Variants in PPP1R12C observed in about 807,000 individuals in gnomAD.
PPP1R12C encodes leukocyte receptor cluster (LRC) encoded novel gene 3.
Under a neutral mutation model 95.6 loss-of-function variants are expected in PPP1R12C, and 48 were observed. The ratio of observed to expected loss-of-function variants is 0.50; its 90% CI spans 0.40 to 0.64. PPP1R12C has a LOEUF of 0.64. Among genes scored for constraint, PPP1R12C ranks in the 30% least tolerant of loss-of-function variants. The pLI is 0.00. For synonymous variants in PPP1R12C, 480 were observed against 460.8 expected (o/e 1.04, Z -0.53); for missense variants, 1,057 against 1,083.3 (o/e 0.98, Z 0.34).
At chr19:55,112,436 C>G in intron 3 of PPP1R12C, 31 bp downstream of exon 3, 1 of 1,582,658 alleles carries the variant, frequency 6.3e-7, no homozygotes, top group Non-Finnish European at 8.6e-7. Context: ...GGAGGTGTCC[C>G]CCACCCCACA....
intron 4 of PPP1R12C, among the ~76,000 whole-genome samples, chr19:55,102,736 C>A (rs1181714973): frequency 6.6e-6 from 1 of 152,138 alleles, no homozygotes; most frequent in Non-Finnish European, 1.5e-5. Flanking sequence ...ACCTAATAAC[C>A]TACAGAGAAC....
In PPP1R12C at chr19:55,103,314, A is replaced by G. The variant is rs920950065; in HGVS notation, c.731+95T>C. The G allele has an allele frequency of 3.0e-5, 38 of 1,247,184 alleles. No individual in the cohort carries two copies. In the Admixed American group the frequency reaches 4.3e-4, roughly 14 times the overall value. The allele number at this position is 1,247,184 out of a possible 1,614,324, so 77.3% of individuals were successfully genotyped here. On this transcript the variant is annotated intron_variant, in intron 4 of 21. Coordinates refer to ENST00000263433, the MANE Select transcript of PPP1R12C (RefSeq NM_017607.4). ...TAAGGCTGTATTTAGAGGGAAATAC[A>G]TAGCCTTCGGTACATACATTTAAAA...
intron 6 of PPP1R12C, chr19:55,096,716 C>G (rs1568808659): frequency 5.2e-6 from 2 of 385,116 alleles, no homozygotes; most frequent in Non-Finnish European, 9.8e-6. Flanking sequence ...CTCGCCTCCT[C>G]CTTCCCCGCG....
intron 3 of PPP1R12C, among the ~76,000 whole-genome samples, chr19:55,106,662 G>A (rs1403354592): frequency 6.6e-6 from 1 of 152,206 alleles, no homozygotes; most frequent in Admixed American, 6.5e-5. Context: ...TTCTGCACAG[G>A]ACATGGTGCT....
chr19:55,101,051 C>A (rs1232664341), intron 4 of PPP1R12C, among the ~76,000 whole-genome samples: 2 of 152,034 alleles, frequency 1.3e-5, no homozygotes, highest in East Asian at 3.9e-4. Flanking sequence ...GAGTTCGAGA[C>A]CAGCCTGGCC....
At position 55,096,777 on chromosome 19, in the gene PPP1R12C, C is replaced by A. The variant is rs1264729105; in HGVS notation, c.952-442G>T. On this transcript the variant is annotated intron_variant, in intron 6 of 21. Transcript: ENST00000263433. ...CCCCGCAGTTCACCACCGTCTTCGC[C>A]CCTTCCCCGCGCAGTTCACCACCGT... 74 of 230,174 alleles carry A rather than the reference C, an allele frequency of 3.2e-4. No individual in the cohort carries two copies. The East Asian group carries it at 5.2e-3, about 16-fold the overall frequency. 14.3% of individuals were successfully genotyped at this position (230,174 alleles called of 1,614,324 possible). A position where few individuals can be genotyped will look rare whatever the true frequency, so the allele number is the denominator to read the frequency against.
chr19:55,098,105 G>T (rs538066820), intron 6 of PPP1R12C, among the ~76,000 whole-genome samples: 49 of 152,332 alleles, frequency 3.2e-4, no homozygotes, highest in African/African-American at 9.9e-4. Flanking sequence ...GCCTGGCCTT[G>T]GGAGCTTCCT....
chr19:55,106,718 C>G (rs1227866461), intron 3 of PPP1R12C, among the ~76,000 whole-genome samples: 2 of 152,244 alleles, frequency 1.3e-5, no homozygotes, highest in Non-Finnish European at 2.9e-5. Context: ...CTACGAAAAT[C>G]CATTCTCCCT....
intron 9 of PPP1R12C, 95 bp downstream of exon 9, chr19:55,095,771 TC>T: frequency 1.3e-6 from 2 of 1,534,078 alleles, no homozygotes; most frequent in South Asian, 1.1e-5. Flanking sequence ...ACTATAGTCT[TC>T]CCCCTATCTG....
In PPP1R12C at chr19:55,097,404, G is replaced by A. The variant is rs528347953; in HGVS notation, c.952-1069C>T. On this transcript the variant is annotated intron_variant, in intron 6 of 21. Transcript: ENST00000263433. Reference sequence around the variant, plus strand: ...CACCCCTTCCCTGCAGTTCACCACCGTCTTCACCCCTTCCCCGCAGTTCAC... The same window carrying A: ...CACCCCTTCCCTGCAGTTCACCACCATCTTCACCCCTTCCCCGCAGTTCAC... Among the ~76,000 whole-genome samples the A allele has an allele frequency of 2.5e-4, 28 of 111,278 alleles. No individual in the cohort carries two copies. In the East Asian group the frequency reaches 6.1e-3, roughly 24 times the overall value. The allele number at this position is 111,278 out of a possible 152,430, so 73.0% of individuals were successfully genotyped here. A position where few individuals can be genotyped will look rare whatever the true frequency, so the allele number is the denominator to read the frequency against.
rs755467091 is a variant in PPP1R12C at position 55,098,798 on chromosome 19, G to C, written c.937C>G (p.Arg313Gly). 6.2e-6 allele frequency: 10 copies of C among 1,613,418 alleles called. No homozygotes were observed. The Admixed American group carries it at 1.3e-4, about 22-fold the overall frequency. The part of the protein sequence containing the change: ...EVLSLLEELA[R>G]KQEDLRNQKE... The stretch of plus-strand genomic sequence containing the variant: ...CTGACACTCACGTCCTCCTGTTTCC[G>C]GGCCAGTTCCTCCAACAGGCTCAGT... The change falls in exon 6 of 22, where the codon CGG (arginine) becomes GGG (glycine). Residue 313 changes from arginine to glycine, a missense_variant. By Grantham distance (125) the Arg-to-Gly change is moderately radical. Transcript: ENST00000263433.
At position 55,096,153 on chromosome 19, in the gene PPP1R12C, G is replaced by A. The variant is rs760139609; in HGVS notation, c.1051C>T (p.Arg351Cys). Reference protein sequence around the residue: ...RRSSVCRLSSREKISLQDLSK... With the variant: ...RRSSVCRLSSCEKISLQDLSK... ...AAGTCCTGGAGGGAAATCTTCTCGCGACTGCTCAGACGACACACAGAGCTC... is the reference window on the plus strand; with the variant it reads ...AAGTCCTGGAGGGAAATCTTCTCGCAACTGCTCAGACGACACACAGAGCTC... Residue 351 changes from arginine (R) to cysteine (C), a missense_variant, in exon 8 of 22, where the codon CGC (arginine) becomes TGC (cysteine). Physicochemically the swap from Arg to Cys is radical, Grantham distance 180 (BLOSUM62 -3). Coordinates refer to ENST00000263433, the MANE Select transcript of PPP1R12C (RefSeq NM_017607.4). 4 of 1,602,386 alleles carry A rather than the reference G, an allele frequency of 2.5e-6. No homozygotes were observed. In the African/African-American group the frequency reaches 4.0e-5, roughly 16 times the overall value.
chr19:55,113,430 C>CT (rs2085119540), intron 1 of PPP1R12C: 1 of 1,505,264 alleles, frequency 6.6e-7, no homozygotes, highest in African/African-American at 1.4e-5. Flanking sequence ...CTCCAGTTCA[C>CT]TGAGGCCCCC....
rs1287381925 is a variant in PPP1R12C, at chr19:55,091,492, T to C, written c.2329A>G (p.Ile777Val). Reference protein sequence around the residue: ...KDENAALIRVISKLSK With the variant: ...KDENAALIRVVSKLSK ...CCGGGTCACTTGGAGAGTTTGCTGATGACGCGGATCAACGCTGCATTCTCA... is the reference window on the plus strand; with the variant it reads ...CCGGGTCACTTGGAGAGTTTGCTGACGACGCGGATCAACGCTGCATTCTCA... Residue 777 changes from isoleucine to valine, a missense_variant, in exon 22 of 22, where the codon ATC (isoleucine) becomes GTC (valine). By Grantham distance (29) the Ile-to-Val change is conservative. This residue lies in a region of PPP1R12C where 347 missense variants were observed against 307.9 expected (regional missense o/e 1.13). Transcript: ENST00000263433. 1 of 1,614,058 alleles carries C rather than the reference T, an allele frequency of 6.2e-7. No homozygotes were observed.
In PPP1R12C at chr19:55,091,711, C is replaced by A; in HGVS notation, c.2212-11G>T. On this transcript the variant is annotated splice_polypyrimidine_tract_variant and intron_variant, in intron 20 of 21. Coordinates refer to ENST00000263433, the MANE Select transcript of PPP1R12C (RefSeq NM_017607.4). ...CAGGGCCCTGCGCTCCTGGAATGAA[C>A]AGGGAAAGTGCAGAAACTGAGTGAG... 6.2e-7 allele frequency: 1 copy of A among 1,613,314 alleles called. No individual in the cohort carries two copies. The highest frequency in any genetic ancestry group is 8.5e-7 in the Non-Finnish European group (1 of 1,179,868).
chr19:55,103,701 A>G lies in PPP1R12C; in HGVS notation c.572-133T>C. The G allele has an allele frequency of 7.3e-6, 6 of 820,548 alleles. No individual in the cohort carries two copies. In the South Asian group the frequency reaches 1.6e-4, roughly 21 times the overall value. 50.8% of individuals were successfully genotyped at this position (820,548 alleles called of 1,614,324 possible). On this transcript the variant is annotated intron_variant, in intron 3 of 21. Coordinates refer to ENST00000263433, the MANE Select transcript of PPP1R12C (RefSeq NM_017607.4). Reference sequence around the variant, plus strand: ...TTCCCCCTGCTCCCCTCTGAGACTCAGGAGGCCCAGACTAGCCCAGTTGTT... The same window carrying G: ...TTCCCCCTGCTCCCCTCTGAGACTCGGGAGGCCCAGACTAGCCCAGTTGTT...
At chr19:55,097,328 T>A (rs1047688783) in intron 6 of PPP1R12C, among the ~76,000 whole-genome samples, 1 of 92,110 alleles carries the variant, frequency 1.1e-5, no homozygotes, top group Admixed American at 1.2e-4. Flanking sequence ...TCTTCACCCC[T>A]TCCCTGCAGT....
At chr19:55,106,500 C>T (rs1043778047) in intron 3 of PPP1R12C, among the ~76,000 whole-genome samples, 6 of 152,226 alleles carry the variant, frequency 3.9e-5, no homozygotes, top group Admixed American at 6.5e-5. Flanking sequence ...ATCCAATGGT[C>T]GATTCCGCCT....
rs1190086192 is a variant in PPP1R12C at position 55,092,428 on chromosome 19, G to A, written c.2055+14C>T. The A allele has an allele frequency of 6.2e-7, 1 of 1,600,536 alleles. No individual in the cohort carries two copies. Among genetic ancestry groups the A allele is most frequent in the Non-Finnish European group, 8.5e-7 (1 of 1,174,094 alleles). On this transcript the variant is annotated intron_variant, in intron 18 of 21. Transcript: ENST00000263433. ...CCCAGCAGGCAAAGCCCCGACGGAGGGGTGGGATCGCACCGTCCTAAAGCC... is the reference window on the plus strand; with the variant it reads ...CCCAGCAGGCAAAGCCCCGACGGAGAGGTGGGATCGCACCGTCCTAAAGCC...
Sources: gnomAD v4.1 joint callset for allele counts (sites outside exome capture counted in the v4.1 genomes callset) on GRCh38, gnomAD v4.1.1 for gene constraint, gnomAD v4.1.1 regional missense constraint, MANE v1.5 for transcripts, NCBI Gene and HGNC (gene_info 2026-07-23, HGNC 2026-07-21) for gene names.